Variants in PRKCB observed in about 807,000 individuals in gnomAD.
PRKCB encodes protein kinase C beta type.
A neutral mutation model predicts 81.5 loss-of-function variants in PRKCB; 13 were observed. The observed-to-expected ratio is 0.16, with a 90% CI of 0.10 to 0.25. The LOEUF (loss-of-function observed/expected upper bound fraction) is 0.25, where lower values mean the gene tolerates loss of function less well. Among genes scored for constraint, PRKCB ranks in the 10% least tolerant of loss-of-function variants. The pLI is 1.00. For missense variants in PRKCB, 509 were observed against 875.7 expected, an observed-to-expected ratio of 0.58 and a Z score of 5.29; for synonymous variants, 335 against 321.4, an observed-to-expected ratio of 1.04 and a Z score of -0.45.
At chr16:24,134,608 G>C (rs1381429900) in intron 9 of PRKCB, among the ~76,000 whole-genome samples, 2 of 152,158 alleles carry the variant, frequency 1.3e-5, no homozygotes, top group Non-Finnish European at 2.9e-5. Flanking sequence ...AATTAGCCGG[G>C]CGTGGTGGCG....
chr16:23,936,739 T>A (rs1303605045), intron 2 of PRKCB, among the ~76,000 whole-genome samples: 2 of 152,106 alleles, frequency 1.3e-5, no homozygotes, highest in East Asian at 3.8e-4. Flanking sequence ...TTTTAATAGA[T>A]GTAAAGTATG....
At chr16:24,038,575 T>C (rs1965654402) in intron 5 of PRKCB, among the ~76,000 whole-genome samples, 1 of 152,226 alleles carries the variant, frequency 6.6e-6, no homozygotes, top group South Asian at 2.1e-4. Flanking sequence ...CAATTGCCCA[T>C]ACACCATGCT....
intron 5 of PRKCB, among the ~76,000 whole-genome samples, chr16:24,061,145 C>T (rs1596532487): frequency 1.3e-5 from 2 of 152,014 alleles, no homozygotes; most frequent in Non-Finnish European, 2.9e-5. Context: ...ACTGCAACCT[C>T]CGCCTCCCGA....
intron 9 of PRKCB, among the ~76,000 whole-genome samples, chr16:24,148,033 T>C (rs1254622464): frequency 6.6e-6 from 1 of 152,168 alleles, no homozygotes; most frequent in Admixed American, 6.5e-5. Context: ...TAGAGACAAT[T>C]GTCTGCTACA....
intron 2 of PRKCB, among the ~76,000 whole-genome samples, chr16:23,843,743 A>G (rs184115345): frequency 6.8e-4 from 101 of 148,672 alleles, no homozygotes; most frequent in African/African-American, 2.4e-3. Context: ...GATACTCCAG[A>G]GATACTGCCC....
intron 3 of PRKCB, among the ~76,000 whole-genome samples, chr16:24,010,065 C>CAT (rs755169005): frequency 6.6e-6 from 1 of 152,110 alleles, no homozygotes; most frequent in South Asian, 2.1e-4. Flanking sequence ...TGGTTTCTTT[C>CAT]ATATGTGTGT....
intron 4 of PRKCB, among the ~76,000 whole-genome samples, chr16:24,033,704 G>C (rs762106881): frequency 6.6e-6 from 1 of 152,182 alleles, no homozygotes; most frequent in Non-Finnish European, 1.5e-5. Flanking sequence ...AGAGGTTGCA[G>C]TGAGCTGAGA....
rs960176519 is a variant in PRKCB at position 24,035,098 on chromosome 16, C to T, written c.401-321C>T. Among the ~76,000 whole-genome samples the T allele has an allele frequency of 5.9e-5, 9 of 152,222 alleles. No homozygotes were observed. The South Asian group carries it at 1.9e-3, about 31-fold the overall frequency. The stretch of plus-strand genomic sequence containing the variant: ...AGCTTTCCTCACTCATGTGACCAGC[C>T]AGCCTGTGAGCATTGAAGTTGGTGA... On this transcript the variant is annotated intron_variant, in intron 4 of 16. Coordinates refer to ENST00000643927, the MANE Select transcript of PRKCB (RefSeq NM_002738.7).
intron 8 of PRKCB, among the ~76,000 whole-genome samples, chr16:24,117,310 G>A (rs764593940): frequency 3.3e-5 from 5 of 152,208 alleles, no homozygotes; most frequent in Admixed American, 2.0e-4. Flanking sequence ...GTTACCACAC[G>A]TGGTATACTT....
chr16:24,206,374 C>T (rs1465615043), intron 16 of PRKCB, among the ~76,000 whole-genome samples: 10 of 152,166 alleles, frequency 6.6e-5, no homozygotes, highest in Admixed American at 6.5e-4. Context: ...TTTGCCTAGG[C>T]TATGTAGCTT....
intron 3 of PRKCB, among the ~76,000 whole-genome samples, chr16:24,026,943 G>T (rs912181387): frequency 6.6e-6 from 1 of 152,192 alleles, no homozygotes; most frequent in Non-Finnish European, 1.5e-5. Flanking sequence ...TTAAGTAGGG[G>T]TGTAAGAGAA....
At chr16:24,065,009 A>AT (rs1567361913) in intron 5 of PRKCB, among the ~76,000 whole-genome samples, 9 of 147,572 alleles carry the variant, frequency 6.1e-5, no homozygotes, top group African/African-American at 2.2e-4. Flanking sequence ...TATATATATA[A>AT]AAAGACTGAA....
chr16:23,958,016 G>A (rs1391184123), intron 2 of PRKCB, among the ~76,000 whole-genome samples: 1 of 152,198 alleles, frequency 6.6e-6, no homozygotes, highest in African/African-American at 2.4e-5. Flanking sequence ...ATATGAGACA[G>A]AATCTCACTC....
intron 2 of PRKCB, among the ~76,000 whole-genome samples, chr16:23,960,246 C>T (rs1164688307): frequency 6.6e-6 from 1 of 152,128 alleles, no homozygotes; most frequent in Non-Finnish European, 1.5e-5. Flanking sequence ...CACAAAAATA[C>T]TTTATTATAC....
intron 2 of PRKCB, among the ~76,000 whole-genome samples, chr16:23,988,134 C>T (rs1964826126): frequency 6.6e-6 from 1 of 152,188 alleles, no homozygotes; most frequent in Admixed American, 6.5e-5. Context: ...ATTTCTTATG[C>T]ATTATGCACC....
At chr16:24,187,518 C>A (rs1967721929) in intron 15 of PRKCB, among the ~76,000 whole-genome samples, 1 of 152,162 alleles carries the variant, frequency 6.6e-6, no homozygotes, top group Admixed American at 6.5e-5. Context: ...AGTGCTGACG[C>A]TATTGTGTTA....
chr16:24,149,009 G>T (rs1397007597), intron 9 of PRKCB, among the ~76,000 whole-genome samples: 1 of 152,192 alleles, frequency 6.6e-6, no homozygotes, highest in Non-Finnish European at 1.5e-5. Flanking sequence ...AGGAGATTGG[G>T]AATGATCACT....
At chr16:23,957,166 T>C (rs1964360827) in intron 2 of PRKCB, among the ~76,000 whole-genome samples, 1 of 152,120 alleles carries the variant, frequency 6.6e-6, no homozygotes, top group South Asian at 2.1e-4. Flanking sequence ...TAAGAAAGAC[T>C]ATTAAAAATA....
chr16:24,213,006 A>ATATT (rs113357248), intron 16 of PRKCB, among the ~76,000 whole-genome samples: 17,899 of 143,632 alleles, frequency 0.12, 1,284 homozygotes, highest in South Asian at 0.2. Context: ...CCGTACTTGT[A>ATATT]TATTTATTTA....
Sources: allele counts gnomAD v4.1 joint callset (sites outside exome capture counted in the v4.1 genomes callset), GRCh38; gene constraint gnomAD v4.1.1; transcripts MANE v1.5; gene names NCBI Gene and HGNC (gene_info 2026-07-23, HGNC 2026-07-21).